The following ATG14 variants were observed in gnomAD, a reference collection of about 807,000 sequenced individuals.
ATG14 encodes the protein beclin 1-associated autophagy-related key regulator.
ATG14 carries 35 observed loss-of-function variants against 60.4 expected under a neutral mutation model. That is an observed-to-expected ratio of 0.58 (90% CI 0.44 to 0.77). The LOEUF is 0.77. Ranked by LOEUF, ATG14 falls within the 30% of genes least tolerant of loss-of-function variation. The probability of loss-of-function intolerance (pLI) is 0.00; values close to 1 mark genes in which losing one functional copy is unlikely to be tolerated. For synonymous variants in ATG14, 234 were observed against 228.8 expected, an observed-to-expected ratio of 1.02 and a Z score of -0.21; for missense variants, 647 against 626.3, an observed-to-expected ratio of 1.03 and a Z score of -0.35.
intron 2 of ATG14, among the ~76,000 whole-genome samples, chr14:55,396,839 C>T (rs181441237): frequency 2.0e-5 from 3 of 152,212 alleles, no homozygotes; most frequent in African/African-American, 7.2e-5. Context: ...CTCAGATTCC[C>T]ACCATTCCCC....
At chr14:55,373,649 G>T (rs547799042) in intron 9 of ATG14, among the ~76,000 whole-genome samples, 2 of 152,168 alleles carry the variant, frequency 1.3e-5, no homozygotes, top group South Asian at 4.2e-4. Context: ...TAGTAGAGAT[G>T]CAGTTTCCCA....
At chr14:55,381,741 G>A (rs1885037232) in intron 6 of ATG14, among the ~76,000 whole-genome samples, 1 of 152,148 alleles carries the variant, frequency 6.6e-6, no homozygotes, top group Non-Finnish European at 1.5e-5. Flanking sequence ...GCCAGGAGCT[G>A]AGGGGAAGGG....
At chr14:55,376,689 T>C (rs932889228) in intron 9 of ATG14, among the ~76,000 whole-genome samples, 1 of 152,152 alleles carries the variant, frequency 6.6e-6, no homozygotes, top group African/African-American at 2.4e-5. Context: ...TGGGTTTCAG[T>C]AGATGGATGA....
At chr14:55,392,814 AG>A (rs1333377507) in intron 3 of ATG14, among the ~76,000 whole-genome samples, 1 of 152,210 alleles carries the variant, frequency 6.6e-6, no homozygotes, top group African/African-American at 2.4e-5. Flanking sequence ...AACAGATTAC[AG>A]GGATGTTATG....
At chr14:55,382,213 C>T (rs1202170532) in intron 5 of ATG14, 22 bp from the exon 6 acceptor site, 17 of 1,610,346 alleles carry the variant, frequency 1.1e-5, no homozygotes, top group East Asian at 4.5e-5. Context: ...AAGACACACA[C>T]GGATTTTCAA....
At chr14:55,404,002 A>T (rs1566586017) in intron 1 of ATG14, among the ~76,000 whole-genome samples, 1 of 152,194 alleles carries the variant, frequency 6.6e-6, no homozygotes, top group Non-Finnish European at 1.5e-5. Context: ...TTAAAATTTG[A>T]TGGGATGGAA....
At chr14:55,408,384 A>G (rs1392354054) in intron 1 of ATG14, among the ~76,000 whole-genome samples, 1 of 152,114 alleles carries the variant, frequency 6.6e-6, no homozygotes, top group Non-Finnish European at 1.5e-5. Flanking sequence ...GAGAACAGGG[A>G]GGTCAAAGCT....
At chr14:55,380,855 G>GTATA (rs1555341865) in intron 6 of ATG14, among the ~76,000 whole-genome samples, 165 bp from the exon 7 acceptor site, 17 of 118,066 alleles carry the variant, frequency 1.4e-4, no homozygotes, top group East Asian at 4.5e-4. Context: ...TTCTTTGTGT[G>GTATA]TATATATATA....
Position 55,403,543 on chromosome 14 carries a change from CT to C in ATG14, c.222-6110del, listed in dbSNP as rs563995641. ...AATAAAAGGGATAGTCATATATAAT[CT>C]TTTTTTTTTCATGAAGTGACCTGAA... On this transcript the variant is annotated intron_variant, in intron 1 of 9. Coordinates refer to ENST00000247178, the MANE Select transcript of ATG14 (RefSeq NM_014924.5). Among the ~76,000 whole-genome samples, 51 of 149,302 alleles carry C rather than the reference CT, an allele frequency of 3.4e-4. No individual in the cohort carries two copies. In the South Asian group the frequency reaches 3.6e-3, roughly 11 times the overall value.
chr14:55,411,359 A>G (rs1361701057), intron 1 of ATG14, among the ~76,000 whole-genome samples: 2 of 152,212 alleles, frequency 1.3e-5, no homozygotes, highest in Non-Finnish European at 2.9e-5. Context: ...AGTGACCAAG[A>G]GCACCGTGGG....
At chr14:55,402,628 A>ATT (rs1167347852) in intron 1 of ATG14, among the ~76,000 whole-genome samples, 1 of 151,850 alleles carries the variant, frequency 6.6e-6, no homozygotes, top group African/African-American at 2.4e-5. Context: ...CAAGAGTATG[A>ATT]TTTTCATAGG....
chr14:55,390,340 G>A (rs2140139231), intron 4 of ATG14, among the ~76,000 whole-genome samples: 1 of 151,888 alleles, frequency 6.6e-6, no homozygotes, highest in South Asian at 2.1e-4. Context: ...CAAAGTGCTG[G>A]GATTACAGGC....
At position 55,382,019 on chromosome 14, in the gene ATG14, C is replaced by T; in HGVS notation, c.820G>A (p.Gly274Arg). The T allele has an allele frequency of 6.2e-7, 1 of 1,614,174 alleles. No homozygotes were observed. The highest frequency in any genetic ancestry group is 8.5e-7 in the Non-Finnish European group (1 of 1,180,012). ...TGPWISLPNN[G>R]DYSAYYSWVE... ...CAGCTGTAGTAGGCAGAGTAGTCCC[C>T]ATTGTTAGGGAGGCTAATCCAAGGC... The change falls in exon 6 of 10, where the codon GGG (glycine) becomes AGG (arginine). Residue 274 changes from glycine (G) to arginine (R), a missense_variant. Coordinates refer to ENST00000247178, the MANE Select transcript of ATG14 (RefSeq NM_014924.5).
chr14:55,375,557 T>C (rs2140123215), intron 9 of ATG14, among the ~76,000 whole-genome samples: 1 of 147,272 alleles, frequency 6.8e-6, no homozygotes, highest in Non-Finnish European at 1.5e-5. Flanking sequence ...TTGCCCAGGC[T>C]GGTCTTGAAC....
intron 1 of ATG14, among the ~76,000 whole-genome samples, chr14:55,410,047 T>C (rs558855704): frequency 1.3e-5 from 2 of 152,108 alleles, no homozygotes; most frequent in East Asian, 3.9e-4. Context: ...CTAAACAGAG[T>C]TGGGTTAAGA....
intron 9 of ATG14, among the ~76,000 whole-genome samples, chr14:55,374,398 G>T (rs1884880775): frequency 1.3e-5 from 2 of 152,048 alleles, no homozygotes; most frequent in African/African-American, 4.8e-5. Context: ...TAGGTTGTTG[G>T]TCTTTCCTGT....
At chr14:55,370,995 G>A (rs1340384789) in intron 9 of ATG14, among the ~76,000 whole-genome samples, 4 of 152,006 alleles carry the variant, frequency 2.6e-5, no homozygotes, top group South Asian at 4.1e-4. Context: ...TCCTGCTCCA[G>A]GGCAGCCAGG....
intron 3 of ATG14, chr14:55,395,167 G>T: frequency 2.2e-6 from 1 of 458,214 alleles, no homozygotes; most frequent in Non-Finnish European, 4.5e-6. Context: ...GCTGATAAGC[G>T]TGCCGATCTC....
At chr14:55,378,528 A>G (rs1176844551) in intron 7 of ATG14, among the ~76,000 whole-genome samples, 1 of 152,128 alleles carries the variant, frequency 6.6e-6, no homozygotes, top group Non-Finnish European at 1.5e-5. Context: ...TCGTTATTCT[A>G]TCCAGGACTT....
Sources: allele counts gnomAD v4.1 joint callset (sites outside exome capture counted in the v4.1 genomes callset), GRCh38; gene constraint gnomAD v4.1.1; transcripts MANE v1.5; gene names NCBI Gene and HGNC (gene_info 2026-07-23, HGNC 2026-07-21).